The following EPB41L4A variants were observed in gnomAD, a reference collection of about 807,000 sequenced individuals.
The protein encoded by EPB41L4A is erythrocyte membrane protein band 4.1 like 4A, also known as band 4.1-like protein 4A.
In EPB41L4A, 100 loss-of-function variants were observed where a neutral mutation model predicts 108.6. That is an observed-to-expected ratio of 0.92 (90% CI 0.78 to 1.09). The LOEUF is 1.09. Among genes scored for constraint, EPB41L4A ranks in the 50% least tolerant of loss-of-function variants. The probability of loss-of-function intolerance (pLI) is 0.00; values close to 1 mark genes in which losing one functional copy is unlikely to be tolerated. For missense variants in EPB41L4A, 1,030 were observed against 842.7 expected (o/e 1.22, Z -2.75); for synonymous variants, 319 against 289.0 (o/e 1.10, Z -1.05).
At chr5:112,388,419 A>G (rs1760708484) in intron 1 of EPB41L4A, among the ~76,000 whole-genome samples, 1 of 152,174 alleles carries the variant, frequency 6.6e-6, no homozygotes, top group Non-Finnish European at 1.5e-5. Flanking sequence ...GACTCAGCTA[A>G]TGGAGGTTTT....
At chr5:112,222,385 T>A (rs538449934) in intron 12 of EPB41L4A, among the ~76,000 whole-genome samples, 14 of 152,196 alleles carry the variant, frequency 9.2e-5, no homozygotes, top group Non-Finnish European at 1.9e-4. Flanking sequence ...AACAAGTACT[T>A]AATGTTTCCA....
At chr5:112,234,553 G>A (rs1288903846) in intron 12 of EPB41L4A, 81 bp downstream of exon 12, 21 of 1,329,824 alleles carry the variant, frequency 1.6e-5, no homozygotes, top group East Asian at 2.4e-5. Context: ...TAGAGTTATA[G>A]ACATCACCTG....
intron 1 of EPB41L4A, among the ~76,000 whole-genome samples, chr5:112,362,905 T>TTGA (rs1758865938): frequency 1.6e-5 from 2 of 123,064 alleles, no homozygotes; most frequent in Non-Finnish European, 3.4e-5. Flanking sequence ...GTATTTTTAT[T>TTGA]TGATTATTAT....
intron 1 of EPB41L4A, among the ~76,000 whole-genome samples, chr5:112,377,054 A>T (rs1223488822): frequency 2.6e-5 from 4 of 152,110 alleles, no homozygotes; most frequent in African/African-American, 7.2e-5. Context: ...ACATAAAAAA[A>T]ATTAGCCAGG....
At chr5:112,275,138 A>T in intron 4 of EPB41L4A, 188 bp downstream of exon 4, 1 of 607,756 alleles carries the variant, frequency 1.6e-6, no homozygotes, top group Non-Finnish European at 2.6e-6. Flanking sequence ...CCATTTTCAA[A>T]CACATCTATC....
At position 112,164,831 on chromosome 5, in the gene EPB41L4A, CAAAAAAA is replaced by C. The variant is rs5870486; in HGVS notation, c.*152_*158del. On this transcript the variant is annotated 3_prime_UTR_variant, in exon 23 of 23. Transcript: ENST00000261486. ...CCTGGGCGACAGAGTGATAACATCT[CAAAAAAA>C]AAAAAAAAAAGAAGCAAAAGATAAT... 3 of 490,406 alleles carry C rather than the reference CAAAAAAA, an allele frequency of 6.1e-6. No homozygotes were observed. The highest frequency in any genetic ancestry group is 5.5e-5 in the African/African-American group (2 of 36,550). The allele number at this position is 490,406 out of a possible 1,614,324, so 30.4% of individuals were successfully genotyped here. A position where few individuals can be genotyped will look rare whatever the true frequency, so the allele number is the denominator to read the frequency against.
At chr5:112,329,414 C>T (rs564950253) in intron 1 of EPB41L4A, among the ~76,000 whole-genome samples, 1 of 152,276 alleles carries the variant, frequency 6.6e-6, no homozygotes, top group Non-Finnish European at 1.5e-5. Context: ...ACACTACTAG[C>T]TCTCATTACT....
At chr5:112,299,508 T>C (rs1375611266) in intron 2 of EPB41L4A, among the ~76,000 whole-genome samples, 1 of 152,182 alleles carries the variant, frequency 6.6e-6, no homozygotes. Context: ...TATTCTGAAG[T>C]TGTTGGGTAG....
intron 2 of EPB41L4A, among the ~76,000 whole-genome samples, chr5:112,296,548 A>G (rs1413492257): frequency 6.6e-6 from 1 of 152,184 alleles, no homozygotes; most frequent in Admixed American, 6.5e-5. Flanking sequence ...TTGGAAAGAA[A>G]AAGTCCCACT....
At chr5:112,388,052 T>C (rs1394307986) in intron 1 of EPB41L4A, among the ~76,000 whole-genome samples, 3 of 152,132 alleles carry the variant, frequency 2.0e-5, no homozygotes, top group Non-Finnish European at 4.4e-5. Flanking sequence ...CTAGGGGCCA[T>C]GGCACAGAGA....
intron 2 of EPB41L4A, among the ~76,000 whole-genome samples, chr5:112,306,642 T>C (rs1030801778): frequency 3.9e-5 from 6 of 152,198 alleles, no homozygotes; most frequent in African/African-American, 1.4e-4. Context: ...ATTTCTGAGA[T>C]AAGCATGTGA....
intron 2 of EPB41L4A, among the ~76,000 whole-genome samples, chr5:112,299,207 G>C (rs1438247474): frequency 6.6e-6 from 1 of 152,054 alleles, no homozygotes; most frequent in Non-Finnish European, 1.5e-5. Flanking sequence ...GTTTGTTCTT[G>C]TTTCTCTAGT....
chr5:112,187,754 T>C (rs1761498707), intron 17 of EPB41L4A, among the ~76,000 whole-genome samples: 1 of 152,192 alleles, frequency 6.6e-6, no homozygotes, highest in Admixed American at 6.5e-5. Flanking sequence ...TTTCTTTACA[T>C]AAGTTCTTAA....
chr5:112,229,404 T>G (rs1414779494), intron 12 of EPB41L4A, among the ~76,000 whole-genome samples: 1 of 152,084 alleles, frequency 6.6e-6, no homozygotes, highest in African/African-American at 2.4e-5. Context: ...GTATTTTTAT[T>G]TATTTATTTA....
chr5:112,226,845 G>A (rs939479378), intron 12 of EPB41L4A, among the ~76,000 whole-genome samples: 4 of 151,726 alleles, frequency 2.6e-5, no homozygotes, highest in East Asian at 3.9e-4. Context: ...TGGTGTTTAC[G>A]GGGTATAGTT....
At chr5:112,299,580 A>G (rs1754224099) in intron 2 of EPB41L4A, among the ~76,000 whole-genome samples, 2 of 152,158 alleles carry the variant, frequency 1.3e-5, no homozygotes, top group Non-Finnish European at 2.9e-5. Context: ...CAAGGCAGGT[A>G]GATCACCTGA....
At chr5:112,189,579 TTG>T (rs1166526522) in intron 17 of EPB41L4A, among the ~76,000 whole-genome samples, 1 of 152,176 alleles carries the variant, frequency 6.6e-6, no homozygotes, top group African/African-American at 2.4e-5. Flanking sequence ...TAGTCCCCTG[TTG>T]TCAATTTCCT....
rs1751324706 is a variant in EPB41L4A at position 112,259,216 on chromosome 5, C to A, written c.795+13G>T. ...CCCCTCTTCTAATTTAAGCTAAGGGCTTGGAAACTTACATCTTTTCCCAGT... is the reference window on the plus strand; with the variant it reads ...CCCCTCTTCTAATTTAAGCTAAGGGATTGGAAACTTACATCTTTTCCCAGT... On this transcript the variant is annotated intron_variant, in intron 9 of 22. Transcript: ENST00000261486. 1 of 1,605,894 alleles carries A rather than the reference C, an allele frequency of 6.2e-7. No individual in the cohort carries two copies. Among genetic ancestry groups the A allele is most frequent in the African/African-American group, 1.3e-5 (1 of 74,844 alleles).
At chr5:112,205,344 G>A (rs1192541415) in intron 14 of EPB41L4A, 77 bp downstream of exon 14, 22 of 1,224,828 alleles carry the variant, frequency 1.8e-5, no homozygotes, top group African/African-American at 4.5e-5. Flanking sequence ...CCAGCAGCTG[G>A]ATTCCTTTAT....
Sources: allele counts gnomAD v4.1 joint callset (sites outside exome capture counted in the v4.1 genomes callset), GRCh38; gene constraint gnomAD v4.1.1; transcripts MANE v1.5; gene names NCBI Gene and HGNC (gene_info 2026-07-23, HGNC 2026-07-21).